AMPH: variants seen among roughly 807,000 people sequenced by gnomAD.
The protein encoded by AMPH is amphiphysin (Stiff-Mann syndrome with breast cancer 128kD autoantigen).
Under a neutral mutation model 99.1 loss-of-function variants are expected in AMPH, and 49 were observed. The ratio of observed to expected loss-of-function variants is 0.49; its 90% CI spans 0.39 to 0.63. The LOEUF is 0.63. Ranked by LOEUF, AMPH falls within the 20% of genes least tolerant of loss-of-function variation. AMPH has a pLI of 0.00. For synonymous variants in AMPH, 314 were observed against 317.3 expected (o/e 0.99, Z 0.11); for missense variants, 759 against 863.4 (o/e 0.88, Z 1.52).
chr7:38,475,154 C>G (rs1170997534), intron 7 of AMPH, among the ~76,000 whole-genome samples, 177 bp downstream of exon 7: 1 of 152,072 alleles, frequency 6.6e-6, no homozygotes, highest in Non-Finnish European at 1.5e-5. Flanking sequence ...TAGCCATATT[C>G]CAAGCAATCA....
Position 38,461,384 on chromosome 7 carries a change from G to A in AMPH, c.916C>T (p.Leu306=), listed in dbSNP as rs536894640. Residue 306 remains leucine, a synonymous_variant, in exon 11 of 21, where the codon CTA becomes TTA. Transcript: ENST00000356264. ...TCCTTTGTCGGGGTGACTTTAGGTA[G>A]AGGTGGGACAGGAGGCCCTTTCCTT... ...QTRKGPPVPP[L]PKVTPTKELQ... 1 of 1,614,178 alleles carries A rather than the reference G, an allele frequency of 6.2e-7. No homozygotes were observed. Among genetic ancestry groups the A allele is most frequent in the South Asian group, 1.1e-5 (1 of 91,078 alleles).
intron 2 of AMPH, among the ~76,000 whole-genome samples, chr7:38,515,424 C>T (rs1405412949): frequency 6.6e-6 from 1 of 152,212 alleles, no homozygotes; most frequent in African/African-American, 2.4e-5. Context: ...CCTTCACTCT[C>T]TTCCTCCTGC....
chr7:38,417,510 G>A (rs796269614), intron 17 of AMPH, among the ~76,000 whole-genome samples: 1 of 152,098 alleles, frequency 6.6e-6, no homozygotes, highest in South Asian at 2.1e-4. Context: ...CCTAATAAAG[G>A]CACGTCTCCA....
chr7:38,518,671 C>T (rs779648217), intron 2 of AMPH, among the ~76,000 whole-genome samples: 2 of 152,208 alleles, frequency 1.3e-5, no homozygotes, highest in Non-Finnish European at 2.9e-5. Flanking sequence ...TTTGATTTCA[C>T]AGGCTCACAG....
chr7:38,587,588 G>A (rs2129057015), intron 1 of AMPH, among the ~76,000 whole-genome samples: 1 of 152,302 alleles, frequency 6.6e-6, no homozygotes, highest in East Asian at 1.9e-4. Context: ...GCTGGGAAAT[G>A]CAAAGGTAAG....
At chr7:38,462,912 T>C in intron 10 of AMPH, 63 bp downstream of exon 10, 2 of 1,489,912 alleles carry the variant, frequency 1.3e-6, no homozygotes, top group African/African-American at 1.4e-5. Context: ...GGGATTATCC[T>C]AGATGGGGCC....
intron 11 of AMPH, among the ~76,000 whole-genome samples, chr7:38,438,952 C>T (rs77607138): frequency 0.017 from 2,626 of 152,296 alleles, 90 homozygotes; most frequent in African/African-American, 0.06. Flanking sequence ...ACTCAAATAT[C>T]ATTCAGATTG....
intron 2 of AMPH, among the ~76,000 whole-genome samples, chr7:38,506,603 A>C (rs545688321): frequency 6.6e-6 from 1 of 152,226 alleles, no homozygotes; most frequent in Non-Finnish European, 1.5e-5. Context: ...GCTTGAATCC[A>C]TTAAGGCCAC....
At chr7:38,428,426 G>A (rs768796627) in intron 14 of AMPH, 9 of 456,488 alleles carry the variant, frequency 2.0e-5, no homozygotes, top group Admixed American at 9.4e-5. Context: ...AATAATTAAG[G>A]TCAGTCCTAG....
intron 14 of AMPH, chr7:38,429,230 A>T: frequency 1.6e-6 from 2 of 1,288,172 alleles, no homozygotes; most frequent in Non-Finnish European, 2.0e-6. Flanking sequence ...CACAAGCAGC[A>T]ATGGCAACTC....
chr7:38,492,483 C>A (rs539992045), intron 4 of AMPH, among the ~76,000 whole-genome samples: 1 of 152,274 alleles, frequency 6.6e-6, no homozygotes, highest in African/African-American at 2.4e-5. Flanking sequence ...TTAAAACACA[C>A]ACACACACTT....
At chr7:38,522,463 T>C (rs1790005353) in intron 2 of AMPH, among the ~76,000 whole-genome samples, 1 of 151,788 alleles carries the variant, frequency 6.6e-6, no homozygotes, top group Non-Finnish European at 1.5e-5. Flanking sequence ...AGTGAGTGAG[T>C]ATAGCGGGGA....
intron 11 of AMPH, 51 bp downstream of exon 11, chr7:38,461,232 C>T (rs771109747): frequency 1.6e-5 from 25 of 1,607,832 alleles, no homozygotes; most frequent in South Asian, 1.1e-4. Flanking sequence ...CCTGAGAGTC[C>T]TTCCACCATG....
Position 38,384,882 on chromosome 7 carries a change from T to C in AMPH, c.2024A>G (p.Gln675Arg), listed in dbSNP as rs147019216. Residue 675 changes from glutamine to arginine, a missense_variant, in exon 21 of 21, where the codon CAG becomes CGG. Transcript: ENST00000356264. ...TTTGTAGGTGGCAAGGTCTCTGTAC[T>C]GAAGCCAGTCTGATTCCTTCACTCC... ...LVGVKESDWL[Q>R]YRDLATYKGL... The C allele has an allele frequency of 3.0e-4, 488 of 1,614,028 alleles. No homozygotes were observed. The highest frequency in any genetic ancestry group is 3.9e-4 in the Non-Finnish European group (465 of 1,179,916).
At chr7:38,431,273 ATTATC>A (rs1786008715) in intron 13 of AMPH, among the ~76,000 whole-genome samples, 1 of 152,216 alleles carries the variant, frequency 6.6e-6, no homozygotes, top group South Asian at 2.1e-4. Context: ...ATACTTTACA[ATTATC>A]TTATTTAAAC....
chr7:38,446,955 T>A (rs1302824781), intron 11 of AMPH, among the ~76,000 whole-genome samples: 1 of 152,154 alleles, frequency 6.6e-6, no homozygotes, highest in Non-Finnish European at 1.5e-5. Flanking sequence ...GTACTAAAAA[T>A]CATAAATTAA....
At chr7:38,440,925 A>G (rs976341192) in intron 11 of AMPH, among the ~76,000 whole-genome samples, 1 of 152,116 alleles carries the variant, frequency 6.6e-6, no homozygotes, top group African/African-American at 2.4e-5. Context: ...CCATATGAAT[A>G]ATAACCTTAA....
At chr7:38,534,406 C>T (rs765433223) in intron 2 of AMPH, among the ~76,000 whole-genome samples, 4 of 152,206 alleles carry the variant, frequency 2.6e-5, no homozygotes, top group African/African-American at 4.8e-5. Context: ...GGCCTGGTAG[C>T]TCACACCTGT....
chr7:38,611,870 T>C (rs1000452960), intron 1 of AMPH, among the ~76,000 whole-genome samples: 6 of 152,144 alleles, frequency 3.9e-5, no homozygotes, highest in Admixed American at 3.9e-4. Context: ...AGGAGCTAAT[T>C]ATTAAAACCT....
Sources: gnomAD v4.1 joint callset for allele counts (sites outside exome capture counted in the v4.1 genomes callset) on GRCh38, gnomAD v4.1.1 for gene constraint, MANE v1.5 for transcripts, NCBI Gene and HGNC (gene_info 2026-07-23, HGNC 2026-07-21) for gene names.